The following SPAG16 variants were observed in gnomAD, a reference collection of about 807,000 sequenced individuals.
The protein encoded by SPAG16 is sperm-associated antigen 16 protein.
In SPAG16, 86 loss-of-function variants were observed where a neutral mutation model predicts 80.4. That is an observed-to-expected ratio of 1.07 (90% CI 0.90 to 1.28). SPAG16 has a LOEUF of 1.28. Ranked by LOEUF, SPAG16 falls within the 50% of genes most tolerant of loss-of-function variation. The pLI is 0.00. For missense variants in SPAG16, 870 were observed against 765.3 expected (o/e 1.14, Z -1.61); for synonymous variants, 294 against 265.9 (o/e 1.11, Z -1.03).
intron 10 of SPAG16, among the ~76,000 whole-genome samples, chr2:213,583,316 A>C (rs2124868891): frequency 6.6e-6 from 1 of 152,344 alleles, no homozygotes. Context: ...GATCCAAAAC[A>C]AAAGTATATG....
At chr2:214,212,722 C>G (rs1271899188) in intron 15 of SPAG16, among the ~76,000 whole-genome samples, 2 of 152,190 alleles carry the variant, frequency 1.3e-5, no homozygotes, top group African/African-American at 4.8e-5. Flanking sequence ...ATTTTTCATC[C>G]CTTCGATAGA....
At chr2:214,019,757 T>C (rs1230970097) in intron 13 of SPAG16, among the ~76,000 whole-genome samples, 1 of 152,084 alleles carries the variant, frequency 6.6e-6, no homozygotes, top group East Asian at 1.9e-4. Context: ...AGCTTGTACC[T>C]CTCTCTTTTA....
At chr2:213,919,428 A>G (rs541240998) in intron 11 of SPAG16, among the ~76,000 whole-genome samples, 4 of 152,224 alleles carry the variant, frequency 2.6e-5, no homozygotes, top group Non-Finnish European at 4.4e-5. Flanking sequence ...ATTTAGTGCT[A>G]TAAATTTTCC....
intron 13 of SPAG16, among the ~76,000 whole-genome samples, chr2:214,082,061 T>A (rs1313230844): frequency 6.6e-6 from 1 of 152,168 alleles, no homozygotes; most frequent in Non-Finnish European, 1.5e-5. Context: ...CCTCTTCTTA[T>A]GTCTTTTTGG....
chr2:213,802,918 T>C (rs1406824006), intron 10 of SPAG16, among the ~76,000 whole-genome samples: 4 of 151,984 alleles, frequency 2.6e-5, no homozygotes, highest in Admixed American at 6.6e-5. Flanking sequence ...GAAGTTACTA[T>C]AGAAGAAGAT....
At chr2:213,518,360 T>C (rs2075526858) in intron 10 of SPAG16, among the ~76,000 whole-genome samples, 2 of 152,186 alleles carry the variant, frequency 1.3e-5, no homozygotes. Context: ...CGCAAAGTCC[T>C]GGGCTCAAGG....
chr2:213,879,521 AGCTT>A (rs926253369), intron 11 of SPAG16, among the ~76,000 whole-genome samples: 6 of 151,820 alleles, frequency 4.0e-5, no homozygotes, highest in African/African-American at 1.5e-4. Context: ...TTTTAATTTC[AGCTT>A]TTATTTTATA....
At chr2:214,384,378 T>G (rs1700630779) in intron 15 of SPAG16, among the ~76,000 whole-genome samples, 1 of 152,182 alleles carries the variant, frequency 6.6e-6, no homozygotes, top group Non-Finnish European at 1.5e-5. Flanking sequence ...CTGTGAAACA[T>G]GAGGTGAAGA....
rs984865790 is a variant in SPAG16 at position 213,317,315 on chromosome 2, A to T, written c.495A>T (p.Lys165Asn). Reference protein sequence around the residue: ...TQIMLLENENKNLKKDLKHYK... With the variant: ...TQIMLLENENNNLKKDLKHYK... Reference sequence around the variant, plus strand: ...TTATGCTTTTGGAAAATGAGAACAAAAATTTAAAGAAAGATTTGAAGCACT... The same window carrying T: ...TTATGCTTTTGGAAAATGAGAACAATAATTTAAAGAAAGATTTGAAGCACT... Residue 165 changes from lysine (K) to asparagine (N), a missense_variant, in exon 5 of 16, where the codon AAA becomes AAT. By Grantham distance (94) the Lys-to-Asn change is moderately conservative. Coordinates refer to ENST00000331683, the MANE Select transcript of SPAG16 (RefSeq NM_024532.5). 1.9e-6 allele frequency: 3 copies of T among 1,611,188 alleles called. No homozygotes were observed. In the African/African-American group the frequency reaches 4.0e-5, roughly 22 times the overall value.
chr2:213,930,277 T>C lies in SPAG16; in HGVS notation c.1400+132T>C, dbSNP rs2078693915. On this transcript the variant is annotated intron_variant, in intron 12 of 15. Coordinates refer to ENST00000331683, the MANE Select transcript of SPAG16 (RefSeq NM_024532.5). ...TAAAAGAAACTGTTAGTTGATAAGA[T>C]TATAGAGAGCTACTTAAATAATCTT... 5.4e-6 allele frequency: 3 copies of C among 557,008 alleles called. No individual in the cohort carries two copies. In the South Asian group the frequency reaches 1.2e-4, roughly 22 times the overall value. 34.5% of individuals were successfully genotyped at this position (557,008 alleles called of 1,614,324 possible). A position where few individuals can be genotyped will look rare whatever the true frequency, so the allele number is the denominator to read the frequency against.
At chr2:213,792,005 A>G (rs1157627403) in intron 10 of SPAG16, among the ~76,000 whole-genome samples, 1 of 152,238 alleles carries the variant, frequency 6.6e-6, no homozygotes, top group Non-Finnish European at 1.5e-5. Flanking sequence ...TTATTTCAGA[A>G]CAAGATAGCT....
intron 13 of SPAG16, among the ~76,000 whole-genome samples, chr2:214,105,686 T>G (rs1035656861): frequency 6.6e-6 from 1 of 152,166 alleles, no homozygotes; most frequent in Non-Finnish European, 1.5e-5. Flanking sequence ...TTTTTCTCCT[T>G]TTGAAAGACA....
chr2:213,326,523 A>G (rs2063848852), intron 5 of SPAG16, among the ~76,000 whole-genome samples: 1 of 151,928 alleles, frequency 6.6e-6, no homozygotes, highest in African/African-American at 2.4e-5. Flanking sequence ...TTAGGATATA[A>G]TGAAAGTTTT....
chr2:214,015,574 G>A (rs1184457897), intron 13 of SPAG16, among the ~76,000 whole-genome samples: 1 of 148,808 alleles, frequency 6.7e-6, no homozygotes, highest in Non-Finnish European at 1.5e-5. Flanking sequence ...CTCTAGCCTG[G>A]GCAACAAGGG....
At chr2:213,580,909 G>A (rs1006270228) in intron 10 of SPAG16, among the ~76,000 whole-genome samples, 1 of 151,832 alleles carries the variant, frequency 6.6e-6, no homozygotes, top group African/African-American at 2.4e-5. Context: ...GTGTGTGTGT[G>A]TTTTTTTACT....
rs536201094 is a variant in SPAG16 at position 213,720,502 on chromosome 2, G to A, written c.1071-141983G>A. ...AAAAAAAAAAAATTAGCTGGGCATGGTGGTGGGCGCCTGGAGTTCCAGCTA... is the reference window on the plus strand; with the variant it reads ...AAAAAAAAAAAATTAGCTGGGCATGATGGTGGGCGCCTGGAGTTCCAGCTA... On this transcript the variant is annotated intron_variant, in intron 10 of 15. Transcript: ENST00000331683. Among the ~76,000 whole-genome samples the A allele has an allele frequency of 7.0e-3, 1,058 of 150,946 alleles. 14 individuals carry two copies. The highest frequency in any genetic ancestry group is 0.025 in the African/African-American group (1,012 of 41,234).
At chr2:214,120,293 T>C (rs2054151922) in intron 14 of SPAG16, among the ~76,000 whole-genome samples, 1 of 151,850 alleles carries the variant, frequency 6.6e-6, no homozygotes, top group South Asian at 2.1e-4. Flanking sequence ...CTGAATCCTG[T>C]TTAATTTTAT....
At chr2:213,741,378 T>C (rs2662646) in intron 10 of SPAG16, among the ~76,000 whole-genome samples, 140,656 of 152,122 alleles carry the variant, frequency 0.92, 66,074 homozygotes, top group East Asian at 1. Flanking sequence ...CAGTATTCTC[T>C]ACCTCCCCAA....
chr2:214,045,951 T>A (rs750613325), intron 13 of SPAG16, among the ~76,000 whole-genome samples: 2 of 152,012 alleles, frequency 1.3e-5, no homozygotes, highest in Non-Finnish European at 2.9e-5. Context: ...ATTGACATAC[T>A]TTGAGCCAGA....
Sources: gnomAD v4.1 joint callset for allele counts (sites outside exome capture counted in the v4.1 genomes callset) on GRCh38, gnomAD v4.1.1 for gene constraint, MANE v1.5 for transcripts, NCBI Gene and HGNC (gene_info 2026-07-23, HGNC 2026-07-21) for gene names.